Variants in MACF1 observed in about 807,000 individuals in gnomAD.
The protein encoded by MACF1 is microtubule actin crosslinking factor 1.
Under a neutral mutation model 854.8 loss-of-function variants are expected in MACF1, and 193 were observed. That is an observed-to-expected ratio of 0.23 (90% CI 0.20 to 0.25). The LOEUF is 0.25. MACF1 is among the 10% of genes least tolerant of loss of function. MACF1 has a pLI of 1.00. For missense variants in MACF1, 7,722 were observed against 8,929.1 expected (o/e 0.86, Z 5.45); for synonymous variants, 3,185 against 3,226.7 (o/e 0.99, Z 0.44).
At chr1:39,430,566 T>G in intron 65 of MACF1, 136 bp from the exon 66 acceptor site, 158 of 682,522 alleles carry the variant, frequency 2.3e-4, no homozygotes, top group East Asian at 4.7e-4. Context: ...AAATCTGAGA[T>G]GAGAAAAAAA....
intron 6 of MACF1, among the ~76,000 whole-genome samples, chr1:39,277,546 G>A (rs1310129315): frequency 6.6e-6 from 1 of 152,096 alleles, no homozygotes; most frequent in Non-Finnish European, 1.5e-5. Flanking sequence ...TGTTATCTGG[G>A]AAAATATTTG....
chr1:39,379,943 C>A (rs1650030917), intron 54 of MACF1, among the ~76,000 whole-genome samples: 1 of 152,162 alleles, frequency 6.6e-6, no homozygotes, highest in South Asian at 2.1e-4. Context: ...ATCTCATCTC[C>A]TTCAAGATAT....
chr1:39,259,803 G>A (rs919546887), intron 6 of MACF1, among the ~76,000 whole-genome samples: 3 of 151,164 alleles, frequency 2.0e-5, no homozygotes, highest in African/African-American at 7.3e-5. Flanking sequence ...TGTATTTTTA[G>A]TACAGGGTTT....
intron 52 of MACF1, among the ~76,000 whole-genome samples, chr1:39,378,108 A>G: frequency 6.6e-6 from 1 of 152,180 alleles, no homozygotes; most frequent in East Asian, 1.9e-4. Context: ...TGGCTTTATT[A>G]TAAAAGCTTA....
At chr1:39,271,376 C>T (rs977884583) in intron 6 of MACF1, among the ~76,000 whole-genome samples, 1 of 152,100 alleles carries the variant, frequency 6.6e-6, no homozygotes, top group Non-Finnish European at 1.5e-5. Flanking sequence ...GACCGAATCT[C>T]ATGAAAACCC....
Position 39,335,270 on chromosome 1 carries a change from TA to T in MACF1, c.8685del (p.Glu2896LysfsTer19), listed in dbSNP as rs779637749. Reference sequence around the variant, plus strand: ...CTTACTCTGAATGTGATTTTAAACTTAAAGAAGTGGCTAGAAATAACATGGG... The same window carrying T: ...CTTACTCTGAATGTGATTTTAAACTTAAGAAGTGGCTAGAAATAACATGGG... ...HPYSECDFKLKEVARNNMGND... is the reference protein window; with the variant it reads ...HPYSECDFKLXEVARNNMGND... On this transcript the variant is annotated frameshift_variant, in exon 37 of 101. Coordinates refer to ENST00000564288, the MANE Select transcript of MACF1 (RefSeq NM_001394062.1). LOFTEE classifies it high-confidence loss of function. The T allele has an allele frequency of 6.2e-7, 1 of 1,614,022 alleles. No individual in the cohort carries two copies. Among genetic ancestry groups the T allele is most frequent in the South Asian group, 1.1e-5 (1 of 91,066 alleles).
chr1:39,151,971 A>G (rs1557484626), intron 2 of MACF1, among the ~76,000 whole-genome samples: 1 of 151,784 alleles, frequency 6.6e-6, no homozygotes, highest in Non-Finnish European at 1.5e-5. Context: ...TATAAAATAT[A>G]TATATTTTTT....
chr1:39,086,993 A>G (rs1199879672), intron 2 of MACF1, among the ~76,000 whole-genome samples: 1 of 152,186 alleles, frequency 6.6e-6, no homozygotes, highest in Non-Finnish European at 1.5e-5. Flanking sequence ...GAGGCAGCAG[A>G]GACGAGGCGG....
Position 39,460,611 on chromosome 1 carries a change from A to T in MACF1, c.21361-21A>T. The T allele has an allele frequency of 6.2e-7, 1 of 1,612,928 alleles. No individual in the cohort carries two copies. Among genetic ancestry groups the T allele is most frequent in the South Asian group, 1.1e-5 (1 of 91,054 alleles). On this transcript the variant is annotated intron_variant, in intron 91 of 100. Coordinates refer to ENST00000564288, the MANE Select transcript of MACF1 (RefSeq NM_001394062.1). The surrounding 1 kb of genome is among the most constrained non-coding windows in gnomAD (Gnocchi z 4.1). ...AGGGCCCAAAAAATAAATCTTATTGACACTTCTGATTTCTGTGTAGTTGAA... is the reference window on the plus strand; with the variant it reads ...AGGGCCCAAAAAATAAATCTTATTGTCACTTCTGATTTCTGTGTAGTTGAA...
At chr1:39,151,982 A>T (rs1557484637) in intron 2 of MACF1, among the ~76,000 whole-genome samples, 1 of 150,798 alleles carries the variant, frequency 6.6e-6, no homozygotes, top group Non-Finnish European at 1.5e-5. Flanking sequence ...TATATTTTTT[A>T]TTTTTTTTTA....
In MACF1 at chr1:39,331,354, C is replaced by T. The variant is rs773969765; in HGVS notation, c.4766C>T (p.Thr1589Met). Residue 1589 changes from threonine to methionine, a missense_variant, in exon 37 of 101, where the codon ACG (threonine) becomes ATG (methionine). Thr to Met is a moderately conservative substitution (Grantham distance 81). This residue lies in a region of MACF1 where 1,531 missense variants were observed against 1,601.6 expected (regional missense o/e 0.96). Transcript: ENST00000564288. ...VIMSGLIAPE[T>M]GENLSLEEGI... Reference sequence around the variant, plus strand: ...ATGTCTGGCCTCATTGCCCCTGAGACGGGTGAAAACCTCTCTTTGGAGGAG... The same window carrying T: ...ATGTCTGGCCTCATTGCCCCTGAGATGGGTGAAAACCTCTCTTTGGAGGAG... The T allele has an allele frequency of 3.8e-5, 61 of 1,613,844 alleles. 2 individuals carry two copies. The East Asian group carries it at 5.1e-4, about 14-fold the overall frequency.
At chr1:39,254,086 AGTG>A in intron 4 of MACF1, 1 of 539,240 alleles carries the variant, frequency 1.9e-6, no homozygotes, top group Non-Finnish European at 3.3e-6. Flanking sequence ...CGAGATGCGT[AGTG>A]GTACACAAGA....
intron 26 of MACF1, 86 bp downstream of exon 26, chr1:39,311,086 A>G (rs553190795): frequency 1.1e-5 from 15 of 1,425,930 alleles, no homozygotes; most frequent in Non-Finnish European, 1.4e-5. Flanking sequence ...CACCTAAGAA[A>G]TGAGGCAATA....
intron 2 of MACF1, among the ~76,000 whole-genome samples, chr1:39,106,794 T>G (rs1411560969): frequency 3.9e-5 from 3 of 77,534 alleles, no homozygotes; most frequent in Admixed American, 1.5e-4. Flanking sequence ...GCCCCCCCTC[T>G]CCCCCCTCCC....
intron 2 of MACF1, among the ~76,000 whole-genome samples, chr1:39,235,734 A>T (rs147036093): frequency 6.6e-6 from 1 of 152,294 alleles, no homozygotes; most frequent in African/African-American, 2.4e-5. Context: ...TGTAAATCAG[A>T]CGTATTCTCT....
At chr1:39,149,141 A>G (rs1643522997) in intron 2 of MACF1, among the ~76,000 whole-genome samples, 1 of 152,216 alleles carries the variant, frequency 6.6e-6, no homozygotes, top group Non-Finnish European at 1.5e-5. Flanking sequence ...TGACTCTTGA[A>G]TACAGAAGAG....
At chr1:39,456,068 T>C (rs1644431294) in intron 89 of MACF1, among the ~76,000 whole-genome samples, 1 of 152,160 alleles carries the variant, frequency 6.6e-6, no homozygotes, top group Non-Finnish European at 1.5e-5. Flanking sequence ...GCGTGGTGGC[T>C]CACCCCTGTA....
In MACF1 at chr1:39,336,065, A is replaced by G. The variant is rs759977442; in HGVS notation, c.9477A>G (p.Lys3159=). The change falls in exon 37 of 101, where the codon AAA becomes AAG. Residue 3159 remains lysine (K), a synonymous_variant. Transcript: ENST00000564288. ...SWVTSKTKET[K]HQISSSNECK... ...TTACTTCGAAAACTAAGGAAACCAA[A>G]CATCAAATTTCCTCATCTAATGAAT... The G allele has an allele frequency of 1.2e-6, 2 of 1,614,046 alleles. No homozygotes were observed. Among genetic ancestry groups the G allele is most frequent in the Non-Finnish European group, 1.7e-6 (2 of 1,180,006 alleles).
Position 39,105,628 on chromosome 1 carries a change from C to T in MACF1, c.220+21190C>T. 8.1e-7 allele frequency: 1 copy of T among 1,229,492 alleles called. No individual in the cohort carries two copies. Among genetic ancestry groups the T allele is most frequent in the Admixed American group, 2.7e-5 (1 of 36,972 alleles). The allele number at this position is 1,229,492 out of a possible 1,614,324, so 76.2% of individuals were successfully genotyped here. ...GAGAAGGCGGTGCGGGCGGCCATGG[C>T]CGGCTACGTGCCGGGTCAGCAGCCG... On this transcript the variant is annotated intron_variant, in intron 2 of 93. Coordinates refer to the MACF1 transcript ENST00000361689. This position sits in a 1 kb window ranked among gnomAD's most constrained non-coding sequence, Gnocchi z 5.9.
Sources: gnomAD v4.1 joint callset for allele counts (sites outside exome capture counted in the v4.1 genomes callset) on GRCh38, gnomAD v4.1.1 for gene constraint, gnomAD v4.1.1 regional missense constraint, Gnocchi (gnomAD v3.1) non-coding constraint, MANE v1.5 for transcripts, NCBI Gene and HGNC (gene_info 2026-07-23, HGNC 2026-07-21) for gene names.